The following SEC24B variants were observed in gnomAD, a reference collection of about 807,000 sequenced individuals.
The protein encoded by SEC24B is SEC24 homolog B, COPII component.
In SEC24B, 45 loss-of-function variants were observed where a neutral mutation model predicts 142.8. The observed-to-expected ratio is 0.32, with a 90% CI of 0.25 to 0.40. SEC24B has a LOEUF of 0.40. Ranked by LOEUF, SEC24B falls within the 10% of genes least tolerant of loss-of-function variation. SEC24B has a pLI of 1.00. For missense variants in SEC24B, 1,409 were observed against 1,526.8 expected (o/e 0.92, Z 1.29); for synonymous variants, 574 against 568.2 (o/e 1.01, Z -0.15).
chr4:109,466,306 T>C (rs1193284585), intron 2 of SEC24B, among the ~76,000 whole-genome samples: 4 of 152,232 alleles, frequency 2.6e-5, no homozygotes, highest in African/African-American at 9.6e-5. Flanking sequence ...AAGGGAATAC[T>C]GAGTTTAATG....
At chr4:109,469,837 C>T (rs1463168376) in intron 2 of SEC24B, among the ~76,000 whole-genome samples, 2 of 151,742 alleles carry the variant, frequency 1.3e-5, no homozygotes, top group African/African-American at 4.8e-5. Flanking sequence ...TGAAAGACAA[C>T]ATGAAAAAAA....
rs6828002 is a variant in SEC24B, at chr4:109,457,101, A to G, written c.134-5800A>G. Among the ~76,000 whole-genome samples, 850 of 152,316 alleles carry G rather than the reference A, an allele frequency of 5.6e-3. 17 individuals are homozygous for G. The highest frequency in any genetic ancestry group is 0.019 in the African/African-American group (805 of 41,576). On this transcript the variant is annotated intron_variant, in intron 1 of 23. Transcript: ENST00000265175. Reference sequence around the variant, plus strand: ...ATCATCTTAGTACTGTTATGAAAATAGTTTTTACTCATGGATTTTCCCCAA... The same window carrying G: ...ATCATCTTAGTACTGTTATGAAAATGGTTTTTACTCATGGATTTTCCCCAA...
At chr4:109,512,130 T>G in intron 9 of SEC24B, 47 bp downstream of exon 9, 1 of 1,541,420 alleles carries the variant, frequency 6.5e-7, no homozygotes, top group Non-Finnish European at 8.7e-7. Flanking sequence ...TTTCAGGTTT[T>G]TTTTTTTGAG....
chr4:109,476,706 A>C (rs573277369), intron 3 of SEC24B, among the ~76,000 whole-genome samples: 1 of 127,438 alleles, frequency 7.8e-6, no homozygotes, highest in Admixed American at 7.0e-5. Flanking sequence ...TTCATATAAC[A>C]GTTTGTAATT....
At chr4:109,466,227 G>GATTTAAAA (rs1731844798) in intron 2 of SEC24B, among the ~76,000 whole-genome samples, 1 of 152,018 alleles carries the variant, frequency 6.6e-6, no homozygotes, top group Admixed American at 6.6e-5. Flanking sequence ...AATATTCCTT[G>GATTTAAAA]GAAACCTGTG....
chr4:109,526,169 A>C, intron 16 of SEC24B, 57 bp from the exon 17 acceptor site: 2 of 1,510,574 alleles, frequency 1.3e-6, no homozygotes, highest in Non-Finnish European at 1.8e-6. Context: ...AAGTAACTTT[A>C]GCTTGAGGTG....
At chr4:109,466,463 T>G (rs187289665) in intron 2 of SEC24B, among the ~76,000 whole-genome samples, 8 of 152,344 alleles carry the variant, frequency 5.3e-5, no homozygotes, top group African/African-American at 1.7e-4. Context: ...CAGGCTGGAG[T>G]GCAGTGGCGC....
In SEC24B at chr4:109,512,039, A is replaced by C; in HGVS notation, c.1859A>C (p.Asp620Ala). Residue 620 changes from aspartate (D) to alanine (A), a missense_variant, in exon 9 of 24, where the codon GAT becomes GCT. Asp to Ala is a moderately radical substitution (Grantham distance 126). Coordinates refer to ENST00000265175, the MANE Select transcript of SEC24B (RefSeq NM_006323.5). ...TYINPFVSFI[D>A]QRRWKCNLCY... ...ATTAACCCCTTTGTATCCTTCATTG[A>C]TCAACGTAGATGGAAATGCAATTTG... The C allele has an allele frequency of 1.2e-6, 2 of 1,613,442 alleles. No individual in the cohort carries two copies. Among genetic ancestry groups the C allele is most frequent in the Non-Finnish European group, 1.7e-6 (2 of 1,179,518 alleles).
At chr4:109,471,933 A>C (rs1463796061) in intron 2 of SEC24B, among the ~76,000 whole-genome samples, 1 of 152,204 alleles carries the variant, frequency 6.6e-6, no homozygotes, top group African/African-American at 2.4e-5. Context: ...AATAGACTCC[A>C]TATTGATGAA....
chr4:109,501,262 T>C (rs1322817047), intron 6 of SEC24B, among the ~76,000 whole-genome samples: 1 of 152,222 alleles, frequency 6.6e-6, no homozygotes, highest in African/African-American at 2.4e-5. Flanking sequence ...CTAGGAGCAA[T>C]AGGCTATATC....
At chr4:109,521,332 G>A in intron 13 of SEC24B, 88 bp from the exon 14 acceptor site, 1 of 1,196,152 alleles carries the variant, frequency 8.4e-7, no homozygotes. Flanking sequence ...CAGAAATACA[G>A]TGACACATGA....
At chr4:109,487,165 C>CAAA (rs372133489) in intron 4 of SEC24B, among the ~76,000 whole-genome samples, 3 of 54,164 alleles carry the variant, frequency 5.5e-5, no homozygotes, top group African/African-American at 1.3e-4. Flanking sequence ...GACTCTGTCT[C>CAAA]AAAAAAAAAA....
chr4:109,472,933 T>C (rs2125960818), intron 2 of SEC24B, 71 bp from the exon 3 acceptor site: 1 of 501,288 alleles, frequency 2.0e-6, no homozygotes, highest in Non-Finnish European at 3.1e-6. Flanking sequence ...ATATATAGTA[T>C]TGTATGTGGT....
rs533135066 is a variant in SEC24B at position 109,490,488 on chromosome 4, A to G, written c.1166-839A>G. On this transcript the variant is annotated intron_variant, in intron 4 of 23. Transcript: ENST00000265175. ...ATTTTGTCTTACTGTGAAACAAAGC[A>G]AGATCTCTAACATAATAGAAGGATC... is the stretch of plus-strand genomic sequence containing the variant. Among the ~76,000 whole-genome samples the G allele has an allele frequency of 2.0e-5, 3 of 152,248 alleles. No homozygotes were observed. The East Asian group carries it at 5.8e-4, about 29-fold the overall frequency.
At chr4:109,455,806 A>T (rs1222026871) in intron 1 of SEC24B, among the ~76,000 whole-genome samples, 1 of 152,178 alleles carries the variant, frequency 6.6e-6, no homozygotes, top group Non-Finnish European at 1.5e-5. Context: ...GTAAGCCTTA[A>T]AATTGGGTAA....
rs772453813 is a variant in SEC24B, at chr4:109,510,070, C to T, written c.1735C>T (p.Leu579Phe). Residue 579 changes from leucine (L) to phenylalanine (F), a missense_variant, in exon 8 of 24, where the codon CTT becomes TTT. Physicochemically the swap from Leu to Phe is conservative, Grantham distance 22. Coordinates refer to ENST00000265175, the MANE Select transcript of SEC24B (RefSeq NM_006323.5). ...ACAGGCTTTACTGAATAAAGCTAAG[C>T]TTCCTTTAGGATTGTTGTTACATCC... ...QTQALLNKAK[L>F]PLGLLLHPFR... 4 of 1,609,914 alleles carry T rather than the reference C, an allele frequency of 2.5e-6. No homozygotes were observed. Among genetic ancestry groups the T allele is most frequent in the South Asian group, 2.2e-5 (2 of 90,016 alleles).
intron 2 of SEC24B, among the ~76,000 whole-genome samples, chr4:109,467,491 A>G (rs1050954347): frequency 1.3e-5 from 2 of 152,178 alleles, no homozygotes; most frequent in Non-Finnish European, 2.9e-5. Context: ...TAGTATAGTC[A>G]AGTAACCTAG....
chr4:109,481,848 CT>C, intron 4 of SEC24B, 67 bp downstream of exon 4: 1 of 1,114,958 alleles, frequency 9.0e-7, no homozygotes, highest in African/African-American at 1.6e-5. Flanking sequence ...TTTCCACAGT[CT>C]TACTTAGCCT....
intron 4 of SEC24B, among the ~76,000 whole-genome samples, chr4:109,488,351 A>G (rs768852570): frequency 6.6e-6 from 1 of 152,172 alleles, no homozygotes; most frequent in Admixed American, 6.5e-5. Context: ...AACATTTTAT[A>G]TGTAGAGATC....
Sources: allele counts gnomAD v4.1 joint callset (sites outside exome capture counted in the v4.1 genomes callset), GRCh38; gene constraint gnomAD v4.1.1; transcripts MANE v1.5; gene names NCBI Gene and HGNC (gene_info 2026-07-23, HGNC 2026-07-21).